Variants in CCR6 observed in about 807,000 individuals in gnomAD.
CCR6 encodes the protein C-C motif chemokine receptor 6, also known as C-C chemokine receptor type 6.
A neutral mutation model predicts 3.0 loss-of-function variants in CCR6; 2 were observed. That is an observed-to-expected ratio of 0.66 (90% CI 0.27 to 2.07). CCR6 has a LOEUF of 2.07. Among genes scored for constraint, CCR6 ranks in the 30% most tolerant of loss-of-function variants. The pLI is 0.14. For synonymous variants in CCR6, 193 were observed against 184.3 expected, an observed-to-expected ratio of 1.05 and a Z score of -0.38; for missense variants, 322 against 462.8, an observed-to-expected ratio of 0.70 and a Z score of 2.79.
At chr6:167,125,290 T>A (rs1026439024) in intron 1 of CCR6, among the ~76,000 whole-genome samples, 1 of 152,374 alleles carries the variant, frequency 6.6e-6, no homozygotes, top group South Asian at 2.1e-4. Context: ...ACCAGTAATA[T>A]TTTCATAACT....
rs560298453 is a variant in CCR6, at chr6:167,134,158, TGG to T, written c.-97-1879_-97-1878del. On this transcript the variant is annotated intron_variant, in intron 1 of 2. Transcript: ENST00000341935. ...GATGCCTAGTGCCGAGGTCTGAAAA[TGG>T]TTGTTACATTTTGTAGGTTTTTCTA... 3.3e-3 allele frequency among the ~76,000 whole-genome samples: 496 copies of T among 151,992 alleles called. 5 individuals are homozygous for T. The highest frequency in any genetic ancestry group is 9.2e-3 in the African/African-American group (381 of 41,406).
At chr6:167,117,136 G>GA (rs1781506380) in intron 1 of CCR6, 1 of 152,298 alleles carries the variant, frequency 6.6e-6, no homozygotes, top group Admixed American at 6.5e-5. Context: ...TGCTTAGATG[G>GA]AAAGTGTCCA....
chr6:167,128,355 T>G (rs1007854289), intron 1 of CCR6, among the ~76,000 whole-genome samples: 1 of 152,180 alleles, frequency 6.6e-6, no homozygotes, highest in African/African-American at 2.4e-5. Flanking sequence ...GCCTCCGCGC[T>G]CTATCTATTA....
chr6:167,122,975 G>A (rs17860847), upstream of CCR6: 799 of 152,520 alleles, frequency 5.2e-3, 7 homozygotes, highest in Middle Eastern at 6.8e-3. The surrounding 1 kb of genome is among the most constrained non-coding windows in gnomAD (Gnocchi z 4.2). Flanking sequence ...GGGATCCTAC[G>A]ATTACTCAAT....
intron 1 of CCR6, among the ~76,000 whole-genome samples, chr6:167,130,713 GT>G: frequency 6.6e-6 from 1 of 151,898 alleles, no homozygotes; most frequent in South Asian, 2.1e-4. Flanking sequence ...ATTGTACATT[GT>G]TTATACCTAA....
At position 167,136,305 on chromosome 6, in the gene CCR6, A is replaced by G; in HGVS notation, c.75A>G (p.Ser25=). ...SEDYFVSVNT[S]YYSVDSEMLL... is the part of the protein sequence containing the mutation. ...ATTATTTTGTGTCAGTCAATACTTCATATTACTCAGTTGATTCTGAGATGT... is the reference window on the plus strand; with the variant it reads ...ATTATTTTGTGTCAGTCAATACTTCGTATTACTCAGTTGATTCTGAGATGT... The change falls in exon 3 of 3, where the codon TCA becomes TCG. Residue 25 remains serine (S), a synonymous_variant. Coordinates refer to ENST00000341935, the MANE Select transcript of CCR6 (RefSeq NM_031409.4). The surrounding 1 kb of genome is among the most constrained non-coding windows in gnomAD (Gnocchi z 4.6). 1.9e-6 allele frequency: 3 copies of G among 1,613,298 alleles called. No homozygotes were observed. Among genetic ancestry groups the G allele is most frequent in the Non-Finnish European group, 2.5e-6 (3 of 1,179,726 alleles).
chr6:167,119,535 T>C (rs1368837727), upstream of CCR6, among the ~76,000 whole-genome samples: 1 of 152,214 alleles, frequency 6.6e-6, no homozygotes, highest in Non-Finnish European at 1.5e-5. Context: ...CCTGGCTATT[T>C]GGGAGAGTAA....
chr6:167,125,457 C>T (rs1781656520), intron 1 of CCR6, among the ~76,000 whole-genome samples: 1 of 152,230 alleles, frequency 6.6e-6, no homozygotes, highest in Non-Finnish European at 1.5e-5. Context: ...TCCCTCTTTG[C>T]TACCACCACA....
At chr6:167,124,337 C>A (rs1382785169) in intron 1 of CCR6, among the ~76,000 whole-genome samples, 3 of 149,554 alleles carry the variant, frequency 2.0e-5, no homozygotes, top group Admixed American at 1.3e-4. Flanking sequence ...AAAAATCAAA[C>A]CTCCTGGTCT....
chr6:167,122,909 G>A (rs1242422386), upstream of CCR6: 2 of 152,376 alleles, frequency 1.3e-5, no homozygotes, highest in African/African-American at 2.4e-5. This position sits in a 1 kb window ranked among gnomAD's most constrained non-coding sequence, Gnocchi z 4.2. Flanking sequence ...TTCCTCTGGG[G>A]AGTTCAATGC....
intron 1 of CCR6, among the ~76,000 whole-genome samples, chr6:167,124,494 A>G (rs1260569751): frequency 6.6e-6 from 1 of 152,224 alleles, no homozygotes; most frequent in East Asian, 1.9e-4. Context: ...ACCTACCATT[A>G]CAGTATGCAA....
At chr6:167,117,474 T>C (rs1328851201) in intron 1 of CCR6, among the ~76,000 whole-genome samples, 1 of 139,332 alleles carries the variant, frequency 7.2e-6, no homozygotes, top group South Asian at 2.3e-4. Context: ...TGGAGCGCAG[T>C]GGCACGATCT....
chr6:167,120,236 G>T (rs763307610), upstream of CCR6, among the ~76,000 whole-genome samples: 93 of 152,272 alleles, frequency 6.1e-4, no homozygotes, highest in Middle Eastern at 3.4e-3. Context: ...GATTGGGCTG[G>T]GGGACTCCCA....
Position 167,137,253 on chromosome 6 carries a change from C to T in CCR6, c.1023C>T (p.Tyr341=), listed in dbSNP as rs1781863619. The change falls in exon 3 of 3, where the codon TAC becomes TAT. Residue 341 remains tyrosine, a synonymous_variant. Coordinates refer to ENST00000341935, the MANE Select transcript of CCR6 (RefSeq NM_031409.4). The surrounding 1 kb of genome is among the most constrained non-coding windows in gnomAD (Gnocchi z 4.6). ...LKDLWCVRRK[Y]KSSGFSCAGR... ...ACCTGTGGTGTGTGAGAAGGAAGTA[C>T]AAGTCCTCAGGCTTCTCCTGTGCCG... 6.2e-7 allele frequency: 1 copy of T among 1,613,992 alleles called. No homozygotes were observed. The highest frequency in any genetic ancestry group is 1.3e-5 in the African/African-American group (1 of 74,910).
Position 167,137,490 on chromosome 6 carries a change from A to AAC in CCR6, c.*136_*137dup. 1 of 809,438 alleles carries AAC rather than the reference A, an allele frequency of 1.2e-6. No individual in the cohort carries two copies. Among genetic ancestry groups the AAC allele is most frequent in the Non-Finnish European group, 1.9e-6 (1 of 525,226 alleles). 50.1% of individuals were successfully genotyped at this position (809,438 alleles called of 1,614,324 possible). A position where few individuals can be genotyped will look rare whatever the true frequency, so the allele number is the denominator to read the frequency against. ...AGCAAGCCTCTCTCCTGCGGGACTTAACGTGCTCATGGGCTGTGTGATCTC... is the reference window on the plus strand; with the variant it reads ...AGCAAGCCTCTCTCCTGCGGGACTTAACACGTGCTCATGGGCTGTGTGATCTC... On this transcript the variant is annotated 3_prime_UTR_variant, in exon 3 of 3. Transcript: ENST00000341935. The surrounding 1 kb of genome is among the most constrained non-coding windows in gnomAD (Gnocchi z 4.6).
At position 167,136,999 on chromosome 6, in the gene CCR6, A is replaced by T. The variant is rs578240793; in HGVS notation, c.769A>T (p.Ile257Leu). 1 of 1,614,218 alleles carries T rather than the reference A, an allele frequency of 6.2e-7. No homozygotes were observed. Among genetic ancestry groups the T allele is most frequent in the South Asian group, 1.1e-5 (1 of 91,086 alleles). Residue 257 changes from isoleucine to leucine, a missense_variant, in exon 3 of 3, where the codon ATA (isoleucine) becomes TTA (leucine). Transcript: ENST00000341935. The surrounding 1 kb of genome is among the most constrained non-coding windows in gnomAD (Gnocchi z 4.6). ...AAGGCACAAAGCCATCCGTGTAATC[A>T]TAGCTGTGGTGCTTGTGTTTCTGGC... ...SKRHKAIRVI[I>L]AVVLVFLACQ...
Position 167,137,168 on chromosome 6 carries a change from C to G in CCR6, c.938C>G (p.Pro313Arg), listed in dbSNP as rs760914766. The G allele has an allele frequency of 6.2e-7, 1 of 1,614,186 alleles. No individual in the cohort carries two copies. Among genetic ancestry groups the G allele is most frequent in the South Asian group, 1.1e-5 (1 of 91,080 alleles). ...GCTTTCCTGCACTGCTGCCTGAACC[C>G]TGTGCTCTACGCTTTTATTGGGCAG... is the stretch of plus-strand genomic sequence containing the variant. ...VLAFLHCCLN[P>R]VLYAFIGQKF... is the part of the protein sequence containing the mutation. The change falls in exon 3 of 3, where the codon CCT (proline) becomes CGT (arginine). Residue 313 changes from proline to arginine, a missense_variant. Transcript: ENST00000341935. The surrounding 1 kb of genome is among the most constrained non-coding windows in gnomAD (Gnocchi z 4.6).
chr6:167,116,123 A>G (rs2022000), intron 1 of CCR6: 66,934 of 152,140 alleles, frequency 0.44, 15,150 homozygotes, highest in Admixed American at 0.52. Flanking sequence ...GATGGGCGTT[A>G]TTGTTGTGTC....
In CCR6 at chr6:167,137,430, G is replaced by T; in HGVS notation, c.*75G>T. ...TATGCAAAAAAAAGTCTATGGCCAG[G>T]TATGCATGGAAAATGTGGGAATTAA... On this transcript the variant is annotated 3_prime_UTR_variant, in exon 3 of 3. Transcript: ENST00000341935. The surrounding 1 kb of genome is among the most constrained non-coding windows in gnomAD (Gnocchi z 4.6). 2 of 1,431,242 alleles carry T rather than the reference G, an allele frequency of 1.4e-6. No individual in the cohort carries two copies. The highest frequency in any genetic ancestry group is 4.6e-5 in the East Asian group (2 of 43,888). The allele number at this position is 1,431,242 out of a possible 1,614,324, so 88.7% of individuals were successfully genotyped here. A position where few individuals can be genotyped will look rare whatever the true frequency, so the allele number is the denominator to read the frequency against.
Sources: gnomAD v4.1 joint callset for allele counts (sites outside exome capture counted in the v4.1 genomes callset) on GRCh38, gnomAD v4.1.1 for gene constraint, Gnocchi (gnomAD v3.1) non-coding constraint, MANE v1.5 for transcripts, NCBI Gene and HGNC (gene_info 2026-07-23, HGNC 2026-07-21) for gene names.